The following ASTN2 variants were observed in gnomAD, a reference collection of about 807,000 sequenced individuals.
ASTN2 encodes astrotactin 2.
In ASTN2, 54 loss-of-function variants were observed where a neutral mutation model predicts 139.8. That is an observed-to-expected ratio of 0.39 (90% CI 0.31 to 0.48). The LOEUF (loss-of-function observed/expected upper bound fraction) is 0.48. ASTN2 is among the 20% of genes least tolerant of loss of function. The pLI, the probability that ASTN2 is intolerant of heterozygous loss-of-function variation, is 0.95. For missense variants in ASTN2, 1,565 were observed against 1,725.1 expected (o/e 0.91, Z 1.64); for synonymous variants, 756 against 719.5 (o/e 1.05, Z -0.81).
Position 116,477,901 on chromosome 9 carries a change from A to G in ASTN2, c.3497+9458T>C, listed in dbSNP as rs145767841. On this transcript the variant is annotated intron_variant, in intron 20 of 22. Coordinates refer to ENST00000313400, the MANE Select transcript of ASTN2 (RefSeq NM_001365068.1). ...TGAAAGAAAAGAAAAAGACAGAGAG[A>G]GATGGACAGGAAGCCAGGGTGACAC... Among the ~76,000 whole-genome samples the G allele has an allele frequency of 4.0e-3, 605 of 150,600 alleles. 5 individuals are homozygous for G. Among genetic ancestry groups the G allele is most frequent in the African/African-American group, 0.014 (560 of 40,982 alleles).
intron 2 of ASTN2, among the ~76,000 whole-genome samples, chr9:117,253,571 C>A (rs939867692): frequency 1.3e-5 from 2 of 152,182 alleles, no homozygotes; most frequent in Non-Finnish European, 2.9e-5. Flanking sequence ...CTGTGCCGGG[C>A]CTTTGCCTCC....
At chr9:116,963,929 A>G (rs929038757) in intron 10 of ASTN2, among the ~76,000 whole-genome samples, 1 of 152,110 alleles carries the variant, frequency 6.6e-6, no homozygotes, top group African/African-American at 2.4e-5. Flanking sequence ...CCTCAGCTCC[A>G]TGGAATTCCC....
At chr9:116,829,809 A>T (rs1016026304) in intron 11 of ASTN2, among the ~76,000 whole-genome samples, 6 of 152,350 alleles carry the variant, frequency 3.9e-5, no homozygotes, top group African/African-American at 1.2e-4. Flanking sequence ...AATAAATGGT[A>T]CTGAAAAATT....
At chr9:117,293,069 A>G (rs993467527) in intron 1 of ASTN2, among the ~76,000 whole-genome samples, 1 of 151,994 alleles carries the variant, frequency 6.6e-6, no homozygotes. Flanking sequence ...AACAGGATCT[A>G]ATTCATCCTT....
At chr9:116,975,585 A>G (rs1490767566) in intron 9 of ASTN2, among the ~76,000 whole-genome samples, 1 of 152,162 alleles carries the variant, frequency 6.6e-6, no homozygotes, top group South Asian at 2.1e-4. Flanking sequence ...CTGATTTACT[A>G]GTGGACTCTG....
intron 4 of ASTN2, among the ~76,000 whole-genome samples, chr9:117,105,716 G>C (rs1348157664): frequency 6.6e-6 from 1 of 152,164 alleles, no homozygotes; most frequent in Non-Finnish European, 1.5e-5. Flanking sequence ...TGGCAGCCTG[G>C]GCAATGGGAA....
chr9:116,450,451 G>A (rs1438329620), intron 20 of ASTN2, among the ~76,000 whole-genome samples: 2 of 152,132 alleles, frequency 1.3e-5, no homozygotes, highest in Non-Finnish European at 2.9e-5. Context: ...CAAGTGACTG[G>A]TCCAAGGTCA....
intron 18 of ASTN2, among the ~76,000 whole-genome samples, 195 bp from the exon 19 acceptor site, chr9:116,618,667 G>A (rs111239933): frequency 2.6e-5 from 4 of 152,268 alleles, no homozygotes; most frequent in African/African-American, 7.2e-5. Flanking sequence ...CCATAAAATA[G>A]GGAGACAAGG....
rs549273493 is a variant in ASTN2 at position 117,250,680 on chromosome 9, C to T, written c.631-35938G>A. Reference sequence around the variant, plus strand: ...AAACAGCAATTACTTTTGCACCAACCTAATATTTGCCAAAACACTGGCTCC... The same window carrying T: ...AAACAGCAATTACTTTTGCACCAACTTAATATTTGCCAAAACACTGGCTCC... On this transcript the variant is annotated intron_variant, in intron 2 of 22. Transcript: ENST00000313400. 2.2e-4 allele frequency among the ~76,000 whole-genome samples: 34 copies of T among 152,234 alleles called. No homozygotes were observed. The South Asian group carries it at 6.6e-3, about 30-fold the overall frequency.
intron 11 of ASTN2, among the ~76,000 whole-genome samples, chr9:116,828,963 A>G (rs901767559): frequency 2.6e-5 from 4 of 152,172 alleles, no homozygotes; most frequent in African/African-American, 9.6e-5. Flanking sequence ...AGGAGGTGAA[A>G]GATCTCTATA....
At chr9:116,721,622 A>G (rs1828474778) in intron 16 of ASTN2, among the ~76,000 whole-genome samples, 2 of 152,196 alleles carry the variant, frequency 1.3e-5, no homozygotes, top group African/African-American at 4.8e-5. Context: ...CATGCTAATC[A>G]TGTCTGGAAC....
chr9:116,992,961 T>C (rs1021788090), intron 7 of ASTN2, among the ~76,000 whole-genome samples: 2 of 152,210 alleles, frequency 1.3e-5, no homozygotes, highest in Non-Finnish European at 2.9e-5. Context: ...CCACCATCTC[T>C]GGCATCACAT....
At chr9:116,882,219 A>G (rs1397575289) in intron 10 of ASTN2, among the ~76,000 whole-genome samples, 1 of 152,180 alleles carries the variant, frequency 6.6e-6, no homozygotes, top group East Asian at 1.9e-4. Context: ...GCAGTCTTGC[A>G]AAGTAGAAAA....
intron 3 of ASTN2, among the ~76,000 whole-genome samples, chr9:117,160,861 A>T (rs1364514432): frequency 1.3e-5 from 2 of 152,074 alleles, no homozygotes; most frequent in Non-Finnish European, 2.9e-5. Flanking sequence ...TGTGAGAGAC[A>T]CAGTGGGATG....
intron 13 of ASTN2, among the ~76,000 whole-genome samples, chr9:116,741,033 AGATGCACTGT>A (rs1268980903): frequency 6.6e-6 from 1 of 152,012 alleles, no homozygotes; most frequent in Non-Finnish European, 1.5e-5. Context: ...ATTTCCACTG[AGATGCACTGT>A]GTCTAGCTTC....
At chr9:116,434,807 T>G (rs1008974696) in intron 22 of ASTN2, among the ~76,000 whole-genome samples, 10 of 152,070 alleles carry the variant, frequency 6.6e-5, no homozygotes, top group African/African-American at 2.4e-4. Flanking sequence ...GAGCAGCTGT[T>G]TGCAGTAACC....
intron 19 of ASTN2, among the ~76,000 whole-genome samples, chr9:116,597,299 ATTTTTTTTTTTT>A (rs757848093): frequency 1.3e-5 from 1 of 75,532 alleles, no homozygotes; most frequent in Non-Finnish European, 2.4e-5. Context: ...CTTTTGATCT[ATTTTTTTTTTTT>A]TTTTTTTTTT....
At chr9:117,243,266 G>A (rs1376226823) in intron 2 of ASTN2, among the ~76,000 whole-genome samples, 1 of 152,116 alleles carries the variant, frequency 6.6e-6, no homozygotes, top group African/African-American at 2.4e-5. Context: ...ATAGTACTTT[G>A]TTGTGTCTCA....
At chr9:116,482,961 A>T (rs1849222633) in intron 20 of ASTN2, among the ~76,000 whole-genome samples, 1 of 152,198 alleles carries the variant, frequency 6.6e-6, no homozygotes, top group Non-Finnish European at 1.5e-5. Flanking sequence ...AGCCTTCCAC[A>T]ATTAGAGAAA....
Sources: gnomAD v4.1 joint callset for allele counts (sites outside exome capture counted in the v4.1 genomes callset) on GRCh38, gnomAD v4.1.1 for gene constraint, MANE v1.5 for transcripts, NCBI Gene and HGNC (gene_info 2026-07-23, HGNC 2026-07-21) for gene names.